ERFE: variants seen among roughly 807,000 people sequenced by gnomAD.
The protein encoded by ERFE is complement C1q tumor necrosis factor-related protein 15.
ERFE carries 25 observed loss-of-function variants against 26.6 expected under a neutral mutation model. The ratio of observed to expected loss-of-function variants is 0.94; its 90% CI spans 0.69 to 1.31. ERFE has a LOEUF of 1.31. Among genes scored for constraint, ERFE ranks in the 40% most tolerant of loss-of-function variants. The probability of loss-of-function intolerance (pLI) is 0.00; values close to 1 mark genes in which losing one functional copy is unlikely to be tolerated. For synonymous variants in ERFE, 206 were observed against 204.5 expected (o/e 1.01, Z -0.06); for missense variants, 447 against 440.2 (o/e 1.02, Z -0.14).
rs941263604 is a variant in ERFE at position 238,167,365 on chromosome 2, C to G, written c.*311C>G. 2.4e-5 allele frequency: 15 copies of G among 621,464 alleles called. No individual in the cohort carries two copies. Among genetic ancestry groups the G allele is most frequent in the African/African-American group, 1.4e-4 (8 of 55,684 alleles). The allele number at this position is 621,464 out of a possible 1,614,324, so 38.5% of individuals were successfully genotyped here. A position where few individuals can be genotyped will look rare whatever the true frequency, so the allele number is the denominator to read the frequency against. On this transcript the variant is annotated 3_prime_UTR_variant, in exon 8 of 8. Transcript: ENST00000546354. ...CAGGCCGACTCTTTCCTGGCCTGCT[C>G]AGCACCTGCCCAGATGGCCTCTGCG...
intron 1 of ERFE, among the ~76,000 whole-genome samples, chr2:238,160,232 A>G (rs1028783500): frequency 2.0e-5 from 3 of 151,820 alleles, no homozygotes; most frequent in African/African-American, 2.4e-5. Flanking sequence ...TTTCTGAGAG[A>G]CCCCTTGTGG....
intron 3 of ERFE, 86 bp downstream of exon 3, chr2:238,162,924 T>A: frequency 9.2e-7 from 1 of 1,090,510 alleles, no homozygotes; most frequent in Non-Finnish European, 1.3e-6. Context: ...AGGGCCAACC[T>A]CAACACTTCG....
intron 7 of ERFE, 78 bp downstream of exon 7, chr2:238,165,762 T>TA (rs1169021690): frequency 1.5e-6 from 2 of 1,347,834 alleles, no homozygotes; most frequent in East Asian, 2.5e-5. Flanking sequence ...AGGGTGCTGT[T>TA]AGATGCTCAG....
Position 238,166,402 on chromosome 2 carries a change from G to C in ERFE, c.967-554G>C, listed in dbSNP as rs183439746. 5.9e-5 allele frequency among the ~76,000 whole-genome samples: 9 copies of C among 152,324 alleles called. No homozygotes were observed. In the East Asian group the frequency reaches 1.7e-3, roughly 29 times the overall value. ...CTTCTGGGTGCCACACAGCATGCTT[G>C]GTGAACTCAGATGGTCTCTGCCCCA... On this transcript the variant is annotated intron_variant, in intron 7 of 7. Transcript: ENST00000546354.
At chr2:238,165,734 C>T (rs1239328334) in intron 7 of ERFE, 50 bp downstream of exon 7, 18 of 1,514,098 alleles carry the variant, frequency 1.2e-5, no homozygotes, top group African/African-American at 1.4e-5. Context: ...GGCATGGCCA[C>T]GGGTGGCTGG....
rs1169596164 is a variant in ERFE at position 238,164,286 on chromosome 2, G to C, written c.813G>C (p.Pro271=). The change falls in exon 6 of 8, where the codon CCG becomes CCC. Residue 271 remains proline, a synonymous_variant. Coordinates refer to ENST00000546354, the MANE Select transcript of ERFE (RefSeq NM_001291832.2). Reference sequence around the variant, plus strand: ...CCCCCGCAGCGCTCGGGGAGCCGCCGAGGAGGGGGCCGCCGCGCCCCCGGG... The same window carrying C: ...CCCCCGCAGCGCTCGGGGAGCCGCCCAGGAGGGGGCCGCCGCGCCCCCGGG... ...ATLHVALGEP[P]RRGPPRPRDH... is the part of the protein sequence containing the mutation. 6.6e-7 allele frequency: 1 copy of C among 1,509,800 alleles called. No homozygotes were observed. The allele number at this position is 1,509,800 out of a possible 1,614,324, so 93.5% of individuals were successfully genotyped here.
intron 6 of ERFE, 147 bp downstream of exon 6, chr2:238,164,507 G>A: frequency 2.8e-6 from 2 of 724,212 alleles, no homozygotes; most frequent in Non-Finnish European, 4.6e-6. Context: ...AGGTCTCCCG[G>A]TCTACTTCTG....
intron 6 of ERFE, 155 bp from the exon 7 acceptor site, chr2:238,165,451 T>A (rs1203574597): frequency 9.7e-6 from 6 of 620,692 alleles, no homozygotes; most frequent in Admixed American, 4.9e-5. Context: ...TTCCTCCTCT[T>A]GGGGACTCGG....
Position 238,163,895 on chromosome 2 carries a change from CCGGGGCCGCGGGCGCCG to C in ERFE, c.586_602del (p.Gly196ArgfsTer108). 1 of 1,319,712 alleles carries C rather than the reference CCGGGGCCGCGGGCGCCG, an allele frequency of 7.6e-7. No individual in the cohort carries two copies. Among genetic ancestry groups the C allele is most frequent in the Non-Finnish European group, 9.6e-7 (1 of 1,043,772 alleles). The allele number at this position is 1,319,712 out of a possible 1,614,324, so 81.8% of individuals were successfully genotyped here. ...GGCACTGCTGGCCGCGCCCCTGGCC[CCGGGGCCGCGGGCGCCG>C]CGCGTGGAGGCCGCTTTCCTCTGCC... On this transcript the variant is annotated frameshift_variant, in exon 4 of 8. Coordinates refer to ENST00000546354, the MANE Select transcript of ERFE (RefSeq NM_001291832.2). LOFTEE classifies it high-confidence loss of function.
At chr2:238,163,539 T>C (rs1057236157) in intron 3 of ERFE, 198 bp from the exon 4 acceptor site, 1 of 622,520 alleles carries the variant, frequency 1.6e-6, no homozygotes, top group Non-Finnish European at 2.3e-6. Flanking sequence ...GCTTCCCAAA[T>C]CTTGAGGGAA....
chr2:238,161,864 C>T (rs1692944497), intron 2 of ERFE, 148 bp downstream of exon 2: 3 of 1,209,368 alleles, frequency 2.5e-6, no homozygotes, highest in Non-Finnish European at 1.1e-6. Flanking sequence ...ACCCAGGCAG[C>T]CCCAGGGGGA....
chr2:238,164,111 C>T lies in ERFE; in HGVS notation c.724C>T (p.Leu242=). The T allele has an allele frequency of 6.9e-7, 1 of 1,451,474 alleles. No homozygotes were observed. Among genetic ancestry groups the T allele is most frequent in the Non-Finnish European group, 9.0e-7 (1 of 1,105,876 alleles). The allele number at this position is 1,451,474 out of a possible 1,614,324, so 89.9% of individuals were successfully genotyped here. Residue 242 remains leucine, a synonymous_variant, in exon 5 of 8, where the codon CTG becomes TTG. Transcript: ENST00000546354. ...GGGTGCCTTCCGCCGCGGCCCGGGC[C>T]TGAACTTGACCAGCGGCCAGTACAG... The part of the protein sequence containing the change: ...AEGAFRRGPG[L]NLTSGQYRAP...
chr2:238,163,591 C>T, intron 3 of ERFE, 146 bp from the exon 4 acceptor site: 1 of 1,008,682 alleles, frequency 9.9e-7, no homozygotes, highest in Non-Finnish European at 1.3e-6. Context: ...ACTCCGAGGC[C>T]CTTCAGGCCG....
Position 238,166,644 on chromosome 2 carries a change from C to T in ERFE, c.967-312C>T, listed in dbSNP as rs116188830. Among the ~76,000 whole-genome samples, 1,195 of 152,340 alleles carry T rather than the reference C, an allele frequency of 7.8e-3. 6 individuals carry two copies. Among genetic ancestry groups the T allele is most frequent in the African/African-American group, 0.027 (1,123 of 41,584 alleles). ...CCACCCTCCCACCTGACTTGGAGCCCTTGCAGGCTCTGAGAAGCCCTGCAG... is the reference window on the plus strand; with the variant it reads ...CCACCCTCCCACCTGACTTGGAGCCTTTGCAGGCTCTGAGAAGCCCTGCAG... On this transcript the variant is annotated intron_variant, in intron 7 of 7. Transcript: ENST00000546354.
In ERFE at chr2:238,159,210, G is replaced by T; in HGVS notation, c.198+5G>T. On this transcript the variant is annotated splice_donor_5th_base_variant and intron_variant, in intron 1 of 7. Transcript: ENST00000546354. ...GGGCCGGCCGCTCGTCCGCCGGTAA[G>T]ACGCCCGGGCCCGCTCCAGACCCAG... 2 of 210,310 alleles carry T rather than the reference G, an allele frequency of 9.5e-6. No homozygotes were observed. The highest frequency in any genetic ancestry group is 3.3e-4 in the South Asian group (2 of 5,976). The allele number at this position is 210,310 out of a possible 1,614,324, so 13.0% of individuals were successfully genotyped here. A position where few individuals can be genotyped will look rare whatever the true frequency, so the allele number is the denominator to read the frequency against.
At chr2:238,159,892 G>T (rs992456948) in intron 1 of ERFE, among the ~76,000 whole-genome samples, 2 of 152,202 alleles carry the variant, frequency 1.3e-5, no homozygotes, top group Non-Finnish European at 2.9e-5. Context: ...GGGGTGGGCG[G>T]CCGGTGCTGT....
At chr2:238,162,903 G>C in intron 3 of ERFE, 65 bp downstream of exon 3, 1 of 1,355,276 alleles carries the variant, frequency 7.4e-7, no homozygotes, top group South Asian at 1.4e-5. Context: ...AGGGTGTCCC[G>C]AGGAGCTGAC....
rs1292675901 is a variant in ERFE at position 238,167,297 on chromosome 2, GA to G, written c.*246del. ...CCATCTTGGGCTCTTATCCAGGAAA[GA>G]AAGAGTCGGCGTGCCTGGGGGCACC... On this transcript the variant is annotated 3_prime_UTR_variant, in exon 8 of 8. Transcript: ENST00000546354. 4.3e-6 allele frequency: 3 copies of G among 693,024 alleles called. No individual in the cohort carries two copies. The highest frequency in any genetic ancestry group is 1.7e-5 in the African/African-American group (1 of 57,224). 42.9% of individuals were successfully genotyped at this position (693,024 alleles called of 1,614,324 possible).
chr2:238,160,440 C>T (rs1042292499), intron 1 of ERFE, among the ~76,000 whole-genome samples: 2 of 152,124 alleles, frequency 1.3e-5, no homozygotes, highest in Admixed American at 6.5e-5. Flanking sequence ...CATGTTTCCA[C>T]GGAGGGCACA....
Sources: gnomAD v4.1 joint callset for allele counts (sites outside exome capture counted in the v4.1 genomes callset) on GRCh38, gnomAD v4.1.1 for gene constraint, MANE v1.5 for transcripts, NCBI Gene and HGNC (gene_info 2026-07-23, HGNC 2026-07-21) for gene names.